Variants in DNAJC10 observed in about 807,000 individuals in gnomAD.
DNAJC10 encodes endoplasmic reticulum disulfide reductase DNAJC10.
A neutral mutation model predicts 115.0 loss-of-function variants in DNAJC10; 101 were observed. The observed-to-expected ratio is 0.88, with a 90% CI of 0.75 to 1.04. The LOEUF (loss-of-function observed/expected upper bound fraction) is 1.04, where lower values mean the gene tolerates loss of function less well. Ranked by LOEUF, DNAJC10 falls within the 50% of genes least tolerant of loss-of-function variation. DNAJC10 has a pLI of 0.00. For synonymous variants in DNAJC10, 307 were observed against 301.5 expected, an observed-to-expected ratio of 1.02 and a Z score of -0.19; for missense variants, 981 against 928.8, an observed-to-expected ratio of 1.06 and a Z score of -0.73.
chr2:182,758,947 CT>C, intron 20 of DNAJC10, 57 bp downstream of exon 20: 1 of 1,310,784 alleles, frequency 7.6e-7, no homozygotes, highest in Non-Finnish European at 1.1e-6. Context: ...ATTTACCCCC[CT>C]TTTATATCAA....
chr2:182,771,220 GAGGATTTTCACATCAATATTT>G (rs1172791521), intron 22 of DNAJC10, among the ~76,000 whole-genome samples: 34 of 150,606 alleles, frequency 2.3e-4, no homozygotes, highest in African/African-American at 8.0e-4. Context: ...GTATTTTATT[GAGGATTTTCACATCAATATTT>G]AGGATTTTCA....
chr2:182,728,515 T>G lies in DNAJC10; in HGVS notation c.419-61T>G, dbSNP rs1204765906. ...CTGATCTCCACAAAAAGTTTTTAAC[T>G]AAAATATGCATGAACCTTTAATAAA... On this transcript the variant is annotated intron_variant, in intron 5 of 23. Coordinates refer to ENST00000264065, the MANE Select transcript of DNAJC10 (RefSeq NM_018981.4). 16 of 1,264,894 alleles carry G rather than the reference T, an allele frequency of 1.3e-5. No homozygotes were observed. In the East Asian group the frequency reaches 3.8e-4, roughly 30 times the overall value. The allele number at this position is 1,264,894 out of a possible 1,614,324, so 78.4% of individuals were successfully genotyped here.
intron 5 of DNAJC10, among the ~76,000 whole-genome samples, chr2:182,727,420 A>G (rs1412048888): frequency 6.6e-6 from 1 of 152,166 alleles, no homozygotes; most frequent in African/African-American, 2.4e-5. Context: ...TAAAGTTTGC[A>G]TTAATTCTGT....
At chr2:182,767,238 A>C (rs573723666) in intron 22 of DNAJC10, among the ~76,000 whole-genome samples, 1 of 152,290 alleles carries the variant, frequency 6.6e-6, no homozygotes, top group African/African-American at 2.4e-5. Flanking sequence ...AGCGTTAATA[A>C]AATGACCTTG....
chr2:182,751,065 A>G, intron 14 of DNAJC10, among the ~76,000 whole-genome samples: 1 of 152,066 alleles, frequency 6.6e-6, no homozygotes, highest in Admixed American at 6.6e-5. Context: ...ATTAATTTAA[A>G]GAACCCTATA....
intron 14 of DNAJC10, 102 bp downstream of exon 14, chr2:182,743,814 G>A (rs1693797264): frequency 4.0e-6 from 3 of 756,796 alleles, no homozygotes; most frequent in Non-Finnish European, 6.5e-6. Flanking sequence ...CATGCTTATT[G>A]TAAATAACTT....
At chr2:182,741,184 A>G in intron 12 of DNAJC10, 59 bp from the exon 13 acceptor site, 3 of 1,148,242 alleles carry the variant, frequency 2.6e-6, no homozygotes, top group African/African-American at 1.6e-5. Context: ...ATAGAAATGA[A>G]GATTAGAACC....
intron 14 of DNAJC10, among the ~76,000 whole-genome samples, chr2:182,746,048 C>CCCT: frequency 6.6e-6 from 1 of 152,276 alleles, no homozygotes; most frequent in South Asian, 2.1e-4. Flanking sequence ...TCATCCATGT[C>CCCT]CCTACAAAGG....
In DNAJC10 at chr2:182,759,190, A is replaced by G; in HGVS notation, c.2028A>G (p.Thr676=). Residue 676 remains threonine (T), a synonymous_variant, in exon 21 of 24, where the codon ACA becomes ACG. Transcript: ENST00000264065. ...GFLPQVSTDL[T]PQTFSEKVLQ... ...TACCTCAAGTATCCACAGATCTAAC[A>G]CCTCAGACTTTCAGTGAAAAAGTTC... The G allele has an allele frequency of 1.2e-6, 2 of 1,602,126 alleles. No individual in the cohort carries two copies. The highest frequency in any genetic ancestry group is 8.5e-7 in the Non-Finnish European group (1 of 1,177,184).
intron 22 of DNAJC10, among the ~76,000 whole-genome samples, chr2:182,765,379 C>T (rs1574953508): frequency 6.6e-6 from 1 of 152,094 alleles, no homozygotes; most frequent in Admixed American, 6.6e-5. Context: ...CAGCATCCCA[C>T]CATGTAATAA....
chr2:182,777,105 T>C lies in DNAJC10; in HGVS notation c.2371-16T>C, dbSNP rs374783227. Reference sequence around the variant, plus strand: ...TACTTTCTCCTTTCTCTATCGCCTTTACATTATTATTATAGGATGAACTTT... The same window carrying C: ...TACTTTCTCCTTTCTCTATCGCCTTCACATTATTATTATAGGATGAACTTT... On this transcript the variant is annotated splice_polypyrimidine_tract_variant and intron_variant, in intron 23 of 23. Transcript: ENST00000264065. 1.4e-6 allele frequency: 2 copies of C among 1,397,364 alleles called. No individual in the cohort carries two copies. Among genetic ancestry groups the C allele is most frequent in the African/African-American group, 2.9e-5 (2 of 68,868 alleles). 86.6% of individuals were successfully genotyped at this position (1,397,364 alleles called of 1,614,324 possible).
rs1298588462 is a variant in DNAJC10, at chr2:182,794,159, C to T, written c.*17027C>T. On this transcript the variant is annotated 3_prime_UTR_variant, in exon 24 of 24. Coordinates refer to ENST00000264065, the MANE Select transcript of DNAJC10 (RefSeq NM_018981.4). ...CACAGGACAGCAGCTAAGTAGGAGG[C>T]CTAAACATCACCTGGGGCAGATGGG... The T allele has an allele frequency of 1.3e-5, 2 of 152,232 alleles. No homozygotes were observed. Among genetic ancestry groups the T allele is most frequent in the Non-Finnish European group, 2.9e-5 (2 of 68,116 alleles). The allele number at this position is 152,232 out of a possible 1,614,324, so 9.4% of individuals were successfully genotyped here.
At chr2:182,773,494 A>C (rs1694621785) in intron 22 of DNAJC10, among the ~76,000 whole-genome samples, 1 of 152,096 alleles carries the variant, frequency 6.6e-6, no homozygotes, top group Non-Finnish European at 1.5e-5. Context: ...CTTTCCACAG[A>C]GTCCCATATT....
intron 5 of DNAJC10, among the ~76,000 whole-genome samples, chr2:182,724,609 T>G (rs1693234789): frequency 6.6e-6 from 1 of 152,164 alleles, no homozygotes; most frequent in Admixed American, 6.5e-5. Context: ...AAGATAGACC[T>G]GTGGGGAAAA....
intron 18 of DNAJC10, among the ~76,000 whole-genome samples, chr2:182,757,131 G>A (rs980758632): frequency 2.0e-5 from 3 of 151,972 alleles, no homozygotes; most frequent in African/African-American, 7.3e-5. Context: ...CCTGAAAATA[G>A]GCACCATGTT....
chr2:182,725,457 C>A (rs1218458894), intron 5 of DNAJC10, among the ~76,000 whole-genome samples: 1 of 152,162 alleles, frequency 6.6e-6, no homozygotes, highest in African/African-American at 2.4e-5. Flanking sequence ...AGGAAAAGTT[C>A]TTCATGGAAA....
At chr2:182,722,495 T>A (rs550474096) in intron 5 of DNAJC10, among the ~76,000 whole-genome samples, 1 of 152,284 alleles carries the variant, frequency 6.6e-6, no homozygotes, top group African/African-American at 2.4e-5. Flanking sequence ...TCCATTGCAT[T>A]TTAGAAAATT....
rs1695081528 is a variant in DNAJC10, at chr2:182,793,115, T to C, written c.*15983T>C. The C allele has an allele frequency of 6.6e-6, 1 of 152,172 alleles. No homozygotes were observed. The highest frequency in any genetic ancestry group is 2.1e-4 in the South Asian group (1 of 4,810). 9.4% of individuals were successfully genotyped at this position (152,172 alleles called of 1,614,324 possible). A position where few individuals can be genotyped will look rare whatever the true frequency, so the allele number is the denominator to read the frequency against. ...AGGTGGAAAAAATGTAGCCACTAAA[T>C]GGGCTGAGGGTAGAGCATATGAACA... On this transcript the variant is annotated 3_prime_UTR_variant, in exon 24 of 24. Transcript: ENST00000264065.
At chr2:182,743,425 A>G (rs1012645071) in intron 13 of DNAJC10, among the ~76,000 whole-genome samples, 173 bp from the exon 14 acceptor site, 1 of 152,056 alleles carries the variant, frequency 6.6e-6, no homozygotes, top group Non-Finnish European at 1.5e-5. Flanking sequence ...AACTAAATTG[A>G]GTCTTAATAT....
Sources: allele counts gnomAD v4.1 joint callset (sites outside exome capture counted in the v4.1 genomes callset), GRCh38; gene constraint gnomAD v4.1.1; transcripts MANE v1.5; gene names NCBI Gene and HGNC (gene_info 2026-07-23, HGNC 2026-07-21).